The following RNF38 variants were observed in gnomAD, a reference collection of about 807,000 sequenced individuals.
RNF38 encodes the protein ring finger protein 38.
In RNF38, 15 loss-of-function variants were observed where a neutral mutation model predicts 67.2. The ratio of observed to expected loss-of-function variants is 0.22; its 90% CI spans 0.15 to 0.34. The LOEUF is 0.34. RNF38 is among the 10% of genes least tolerant of loss of function. RNF38 has a pLI of 1.00. For missense variants in RNF38, 524 were observed against 639.9 expected (o/e 0.82, Z 1.95); for synonymous variants, 220 against 218.8 (o/e 1.01, Z -0.05).
chr9:36,472,622 A>G (rs1200724240), intron 1 of RNF38, among the ~76,000 whole-genome samples: 1 of 152,308 alleles, frequency 6.6e-6, no homozygotes, highest in African/African-American at 2.4e-5. Flanking sequence ...TCTAAATGGT[A>G]CGTTCCCAGG....
chr9:36,435,384 A>C (rs1462533705), intron 1 of RNF38, among the ~76,000 whole-genome samples: 1 of 152,226 alleles, frequency 6.6e-6, no homozygotes, highest in Non-Finnish European at 1.5e-5. Flanking sequence ...CGAGAGTAGT[A>C]ATTTTTAAAT....
At chr9:36,483,402 C>T (rs1840326969) in intron 1 of RNF38, among the ~76,000 whole-genome samples, 1 of 142,232 alleles carries the variant, frequency 7.0e-6, no homozygotes, top group South Asian at 2.1e-4. Flanking sequence ...AAAAGAAAAG[C>T]GTACCTGGGC....
chr9:36,413,978 T>A (rs1838395380), intron 2 of RNF38, among the ~76,000 whole-genome samples: 1 of 152,252 alleles, frequency 6.6e-6, no homozygotes, highest in Non-Finnish European at 1.5e-5. Context: ...TATCATTACA[T>A]AATGTCCCTC....
intron 9 of RNF38, among the ~76,000 whole-genome samples, chr9:36,347,239 G>A (rs536387040): frequency 1.3e-5 from 2 of 148,174 alleles, no homozygotes; most frequent in African/African-American, 5.0e-5. Flanking sequence ...ATATCTCTTA[G>A]TACACAAAGG....
chr9:36,384,595 G>C (rs1836457883), intron 2 of RNF38, among the ~76,000 whole-genome samples: 1 of 152,142 alleles, frequency 6.6e-6, no homozygotes, highest in South Asian at 2.1e-4. Flanking sequence ...AGATGTATTA[G>C]GTGAGTGCAA....
At chr9:36,369,663 C>A (rs575838755) in intron 4 of RNF38, 56 bp downstream of exon 4, 17 of 1,381,152 alleles carry the variant, frequency 1.2e-5, no homozygotes, top group South Asian at 9.3e-5. Context: ...AAAAAAAAAT[C>A]TCAAACTGCC....
rs535359110 is a variant in RNF38, at chr9:36,396,054, A to C, written c.12+4043T>G. ...ATAGAGCAGCCAAATCAATGAGGTGACTTGAGCATACACTCAGGAGAACAT... is the reference window on the plus strand; with the variant it reads ...ATAGAGCAGCCAAATCAATGAGGTGCCTTGAGCATACACTCAGGAGAACAT... On this transcript the variant is annotated intron_variant, in intron 1 of 11. Transcript: ENST00000259605. Among the ~76,000 whole-genome samples, 41 of 152,378 alleles carry C rather than the reference A, an allele frequency of 2.7e-4. 1 individual carries two copies. In the South Asian group the frequency reaches 8.3e-3, roughly 31 times the overall value.
intron 2 of RNF38, among the ~76,000 whole-genome samples, chr9:36,418,530 A>G (rs1441659195): frequency 6.6e-6 from 1 of 151,546 alleles, no homozygotes; most frequent in Non-Finnish European, 1.5e-5. Flanking sequence ...TCATGCCTGT[A>G]ATCCCAGCAC....
At chr9:36,480,728 T>A (rs1178254529) in intron 1 of RNF38, among the ~76,000 whole-genome samples, 1 of 151,594 alleles carries the variant, frequency 6.6e-6, no homozygotes, top group Non-Finnish European at 1.5e-5. Context: ...ATTTTTGTAT[T>A]TTTAGTAAAG....
At chr9:36,408,676 T>C (rs1838243239) in intron 2 of RNF38, among the ~76,000 whole-genome samples, 1 of 152,084 alleles carries the variant, frequency 6.6e-6, no homozygotes, top group East Asian at 1.9e-4. Context: ...CAATGGGCCA[T>C]GGGTCAAAGG....
At chr9:36,365,085 T>C (rs1404577854) in intron 4 of RNF38, among the ~76,000 whole-genome samples, 1 of 152,162 alleles carries the variant, frequency 6.6e-6, no homozygotes, top group African/African-American at 2.4e-5. Flanking sequence ...GTAGTTCACT[T>C]TCTATGGCTG....
At chr9:36,479,234 A>T (rs1840192817) in intron 1 of RNF38, among the ~76,000 whole-genome samples, 1 of 152,154 alleles carries the variant, frequency 6.6e-6, no homozygotes, top group Non-Finnish European at 1.5e-5. Flanking sequence ...AGGGAATTAT[A>T]ATTACAGCAA....
intron 1 of RNF38, among the ~76,000 whole-genome samples, chr9:36,470,029 T>C (rs1438427933): frequency 1.3e-5 from 2 of 152,122 alleles, no homozygotes; most frequent in Admixed American, 6.6e-5. Context: ...CAGGATGAGA[T>C]GGATGGGCTT....
intron 1 of RNF38, among the ~76,000 whole-genome samples, chr9:36,396,066 A>G (rs1416304943): frequency 2.0e-5 from 3 of 152,212 alleles, no homozygotes. Flanking sequence ...TTGAGCATAC[A>G]CTCAGGAGAA....
intron 1 of RNF38, among the ~76,000 whole-genome samples, chr9:36,474,259 GC>G (rs879779182): frequency 0.049 from 7,022 of 143,318 alleles, 363 homozygotes; most frequent in East Asian, 0.17. Flanking sequence ...CTTGCAGTGA[GC>G]CAAGATCACG....
At chr9:36,372,475 A>T (rs1835461959) in intron 3 of RNF38, 1 of 677,362 alleles carries the variant, frequency 1.5e-6, no homozygotes, top group Non-Finnish European at 2.7e-6. Context: ...GTTTTTTTCA[A>T]ATACCTAGCT....
intron 1 of RNF38, among the ~76,000 whole-genome samples, chr9:36,427,714 T>A (rs201611267): frequency 7.4e-6 from 1 of 134,832 alleles, no homozygotes; most frequent in Non-Finnish European, 1.5e-5. Context: ...TACCTACCTA[T>A]CTATTAATTT....
chr9:36,356,275 AT>A, intron 6 of RNF38, 27 bp downstream of exon 6: 1 of 1,610,554 alleles, frequency 6.2e-7, no homozygotes, highest in Non-Finnish European at 8.5e-7. Flanking sequence ...AAAACTAAAC[AT>A]TCTGACATAA....
At chr9:36,400,351 G>A (rs1490824429), upstream of RNF38, 40 of 1,224,336 alleles carry the variant, frequency 3.3e-5, 2 homozygotes, top group South Asian at 7.4e-4. Flanking sequence ...AAGGGAGGGA[G>A]CGAGAGAGCG....
Sources: allele counts gnomAD v4.1 joint callset (sites outside exome capture counted in the v4.1 genomes callset), GRCh38; gene constraint gnomAD v4.1.1; transcripts MANE v1.5; gene names NCBI Gene and HGNC (gene_info 2026-07-23, HGNC 2026-07-21).